The following EYS variants were observed in gnomAD, a reference collection of about 807,000 sequenced individuals.
EYS encodes EGF-like photoreceptor maintenance factor.
A neutral mutation model predicts 282.1 loss-of-function variants in EYS; 250 were observed. The observed-to-expected ratio is 0.89, with a 90% CI of 0.80 to 0.98. The LOEUF (loss-of-function observed/expected upper bound fraction) is 0.98, where lower values mean the gene tolerates loss of function less well. EYS is among the 50% of genes least tolerant of loss of function. EYS has a pLI of 0.00. For missense variants in EYS, 4,016 were observed against 3,709.0 expected, an observed-to-expected ratio of 1.08 and a Z score of -2.15; for synonymous variants, 1,355 against 1,282.9, an observed-to-expected ratio of 1.06 and a Z score of -1.20.
chr6:64,496,278 T>C (rs1333171964), intron 26 of EYS, among the ~76,000 whole-genome samples: 6 of 151,992 alleles, frequency 3.9e-5, no homozygotes, highest in Non-Finnish European at 8.8e-5. Context: ...TAGCAAGTTA[T>C]CTCTTTTGAA....
At chr6:64,033,827 ACTCT>A (rs71708335) in intron 33 of EYS, among the ~76,000 whole-genome samples, 50,338 of 148,432 alleles carry the variant, frequency 0.34, 8,613 homozygotes, top group Middle Eastern at 0.37. Context: ...AAATGAGATT[ACTCT>A]CTCTCTCTCT....
At chr6:65,577,614 A>G (rs1034975157) in intron 2 of EYS, among the ~76,000 whole-genome samples, 1 of 151,936 alleles carries the variant, frequency 6.6e-6, no homozygotes, top group African/African-American at 2.4e-5. Context: ...ACTGCAAAGG[A>G]AACAATCAAC....
chr6:64,827,584 A>G, intron 19 of EYS, among the ~76,000 whole-genome samples: 1 of 152,004 alleles, frequency 6.6e-6, no homozygotes, highest in East Asian at 1.9e-4. Context: ...TTTACAAAGG[A>G]CATAATCAAG....
chr6:64,472,843 C>T (rs925457229), intron 26 of EYS, among the ~76,000 whole-genome samples: 1 of 152,126 alleles, frequency 6.6e-6, no homozygotes, highest in African/African-American at 2.4e-5. Context: ...AATAATCCCA[C>T]ACATACCATT....
In EYS at chr6:65,136,500, A is replaced by G. The variant is rs576862089; in HGVS notation, c.2024-78773T>C. Among the ~76,000 whole-genome samples, 5 of 152,222 alleles carry G rather than the reference A, an allele frequency of 3.3e-5. No homozygotes were observed. In the South Asian group the frequency reaches 1.0e-3, roughly 32 times the overall value. On this transcript the variant is annotated intron_variant, in intron 12 of 42. Coordinates refer to ENST00000503581, the MANE Select transcript of EYS (RefSeq NM_001142800.2). ...AAACACTTCAGATATGTGATATTTC[A>G]ACATGTAATAATATTTATAATACAT...
chr6:65,569,613 T>A (rs1164829880), intron 2 of EYS, among the ~76,000 whole-genome samples: 2 of 152,106 alleles, frequency 1.3e-5, no homozygotes, highest in South Asian at 2.1e-4. Context: ...CAAGATATTC[T>A]TCAGACTCTG....
At chr6:64,175,470 A>C (rs1764598927) in intron 31 of EYS, among the ~76,000 whole-genome samples, 1 of 152,156 alleles carries the variant, frequency 6.6e-6, no homozygotes, top group Non-Finnish European at 1.5e-5. Flanking sequence ...TTATTGCTTC[A>C]TTTTGCCCAA....
intron 30 of EYS, among the ~76,000 whole-genome samples, chr6:64,231,887 A>G (rs1766435714): frequency 6.6e-6 from 1 of 152,150 alleles, no homozygotes; most frequent in Non-Finnish European, 1.5e-5. Flanking sequence ...TTTTAATGTA[A>G]AAAACCTTGT....
chr6:64,283,506 ATGAT>A (rs1308848819), intron 30 of EYS, among the ~76,000 whole-genome samples: 2 of 152,216 alleles, frequency 1.3e-5, no homozygotes, highest in Non-Finnish European at 2.9e-5. Flanking sequence ...TCTAGAATAA[ATGAT>A]TAGATGACTG....
chr6:64,949,022 TATC>T (rs1769392312), intron 14 of EYS, among the ~76,000 whole-genome samples: 1 of 151,972 alleles, frequency 6.6e-6, no homozygotes, highest in Admixed American at 6.6e-5. Flanking sequence ...AAATTTTTCT[TATC>T]AGTAACAGAT....
chr6:65,518,735 G>A (rs1767234309), intron 2 of EYS, among the ~76,000 whole-genome samples: 2 of 152,130 alleles, frequency 1.3e-5, no homozygotes, highest in Non-Finnish European at 2.9e-5. Context: ...ATAAAGGAAA[G>A]AGGTTTAATG....
intron 19 of EYS, among the ~76,000 whole-genome samples, chr6:64,868,293 T>C (rs762394524): frequency 1.2e-4 from 18 of 151,494 alleles, no homozygotes; most frequent in African/African-American, 1.7e-4. Context: ...TCATGTAGAA[T>C]TGGATATTTT....
chr6:63,761,984 C>T (rs1769654498), intron 41 of EYS, among the ~76,000 whole-genome samples: 2 of 152,006 alleles, frequency 1.3e-5, no homozygotes, highest in African/African-American at 4.8e-5. Flanking sequence ...CCATAAGTTG[C>T]CCCAGTAGTT....
intron 28 of EYS, among the ~76,000 whole-genome samples, chr6:64,432,804 T>G (rs1455518980): frequency 6.6e-6 from 1 of 152,034 alleles, no homozygotes; most frequent in Non-Finnish European, 1.5e-5. Flanking sequence ...TGCATTTTGC[T>G]TCATGACATA....
intron 13 of EYS, among the ~76,000 whole-genome samples, chr6:65,020,561 T>C (rs1231934671): frequency 6.6e-6 from 1 of 152,300 alleles, no homozygotes; most frequent in East Asian, 1.9e-4. Context: ...GCATTGGGTG[T>C]CTGCTACTTT....
chr6:64,322,762 C>T (rs1770263943), intron 29 of EYS, among the ~76,000 whole-genome samples: 1 of 151,958 alleles, frequency 6.6e-6, no homozygotes, highest in African/African-American at 2.4e-5. Context: ...TCAAAGCAGC[C>T]GAAAGTTTAT....
chr6:65,394,897 C>T (rs1214742150), intron 7 of EYS, among the ~76,000 whole-genome samples: 2 of 152,112 alleles, frequency 1.3e-5, no homozygotes, highest in Non-Finnish European at 1.5e-5. Context: ...CCGTCCTCTT[C>T]CTTAAAAGCT....
At chr6:64,610,397 T>C (rs1040843467) in intron 24 of EYS, among the ~76,000 whole-genome samples, 2 of 143,860 alleles carry the variant, frequency 1.4e-5, no homozygotes, top group African/African-American at 5.2e-5. Context: ...AAACTGCTGT[T>C]GTAAGAATTT....
chr6:65,594,882 G>GGC (rs1402071341), intron 2 of EYS, among the ~76,000 whole-genome samples: 1 of 151,998 alleles, frequency 6.6e-6, no homozygotes, highest in African/African-American at 2.4e-5. Flanking sequence ...TTCTACATAT[G>GGC]GCTAGCCAGT....
Sources: allele counts gnomAD v4.1 joint callset (sites outside exome capture counted in the v4.1 genomes callset), GRCh38; gene constraint gnomAD v4.1.1; transcripts MANE v1.5; gene names NCBI Gene and HGNC (gene_info 2026-07-23, HGNC 2026-07-21).